The following BRPF1 variants were observed in gnomAD, a reference collection of about 807,000 sequenced individuals.
BRPF1 encodes bromodomain and PHD finger containing 1, also known as peregrin.
BRPF1 carries 15 observed loss-of-function variants against 115.0 expected under a neutral mutation model. That is an observed-to-expected ratio of 0.13 (90% CI 0.09 to 0.20). The LOEUF (loss-of-function observed/expected upper bound fraction) is 0.20. Among genes scored for constraint, BRPF1 ranks in the 10% least tolerant of loss-of-function variants. BRPF1 has a pLI of 1.00. For missense variants in BRPF1, 1,118 were observed against 1,638.3 expected, an observed-to-expected ratio of 0.68 and a Z score of 5.48; for synonymous variants, 647 against 619.8, an observed-to-expected ratio of 1.04 and a Z score of -0.65.
intron 9 of BRPF1, 36 bp from the exon 10 acceptor site, chr3:9,744,972 C>G (rs755296051): frequency 5.0e-6 from 8 of 1,614,012 alleles, no homozygotes; most frequent in Non-Finnish European, 6.8e-6. Flanking sequence ...ATCTTCCTGA[C>G]CGGTTCCTTC....
In BRPF1 at chr3:9,745,378, G is replaced by A. The variant is rs377311329; in HGVS notation, c.3069-195G>A. Among the ~76,000 whole-genome samples the A allele has an allele frequency of 9.8e-5, 15 of 152,366 alleles. No homozygotes were observed. The highest frequency in any genetic ancestry group is 3.4e-4 in the African/African-American group (14 of 41,586). ...GATGATTAGAGTATGCACTCCTGCC[G>A]CCACTGCTCAGGCTAACCCACCTCT... On this transcript the variant is annotated intron_variant, in intron 10 of 13. Transcript: ENST00000383829. The surrounding 1 kb of genome is among the most constrained non-coding windows in gnomAD (Gnocchi z 5.1).
chr3:9,736,826 C>G (rs2076950060), intron 2 of BRPF1, among the ~76,000 whole-genome samples: 1 of 152,224 alleles, frequency 6.6e-6, no homozygotes. Context: ...ATCACTTTCT[C>G]TTGCTTGCAT....
At chr3:9,737,925 T>C (rs2076968748) in intron 2 of BRPF1, among the ~76,000 whole-genome samples, 1 of 152,166 alleles carries the variant, frequency 6.6e-6, no homozygotes, top group Admixed American at 6.5e-5. Context: ...GAGTGGGTAG[T>C]ATTATCCTCG....
chr3:9,744,836 C>A (rs1419829274), intron 9 of BRPF1, among the ~76,000 whole-genome samples, 172 bp from the exon 10 acceptor site: 25 of 152,220 alleles, frequency 1.6e-4, no homozygotes, highest in Non-Finnish European at 3.1e-4. Context: ...TGGAGCAGGG[C>A]TGTGGCCAAC....
In BRPF1 at chr3:9,744,363, G is replaced by A; in HGVS notation, c.2775G>A (p.Met925Ile). The A allele has an allele frequency of 6.2e-7, 1 of 1,613,414 alleles. No homozygotes were observed. The highest frequency in any genetic ancestry group is 8.5e-7 in the Non-Finnish European group (1 of 1,179,728). The change falls in exon 9 of 14, where the codon ATG (methionine) becomes ATA (isoleucine). Residue 925 changes from methionine (M) to isoleucine (I), a missense_variant. Physicochemically the swap from Met to Ile is conservative, Grantham distance 10 (BLOSUM62 1). Around this residue, in one of 10 missense-constraint regions of BRPF1, gnomAD observed 92 missense variants for 102.2 expected, o/e 0.90. Coordinates refer to ENST00000383829, the MANE Select transcript of BRPF1 (RefSeq NM_001003694.2). The stretch of plus-strand genomic sequence containing the variant: ...CCCCCAAAAACCGGGAGAGCCAGAT[G>A]ACCCCCAGCCACGGAGGCAGTCCTG... The part of the protein sequence containing the change: ...GRPPKNRESQ[M>I]TPSHGGSPVG...
Position 9,743,354 on chromosome 3 carries a change from C to A in BRPF1, c.2311+101C>A. 1 of 1,452,130 alleles carries A rather than the reference C, an allele frequency of 6.9e-7. No individual in the cohort carries two copies. Among genetic ancestry groups the A allele is most frequent in the Non-Finnish European group, 9.2e-7 (1 of 1,083,544 alleles). The allele number at this position is 1,452,130 out of a possible 1,614,324, so 90.0% of individuals were successfully genotyped here. A position where few individuals can be genotyped will look rare whatever the true frequency, so the allele number is the denominator to read the frequency against. On this transcript the variant is annotated intron_variant, in intron 7 of 13. Coordinates refer to ENST00000383829, the MANE Select transcript of BRPF1 (RefSeq NM_001003694.2). This position sits in a 1 kb window ranked among gnomAD's most constrained non-coding sequence, Gnocchi z 6.1. ...AGCAGGCAGTGTAGGCAGAAAGCAG[C>A]TAGGCTGAGCAGTGGCAAGCTATCC...
At chr3:9,740,684 AT>A in intron 3 of BRPF1, 94 bp from the exon 4 acceptor site, 1 of 1,464,606 alleles carries the variant, frequency 6.8e-7, no homozygotes, top group Non-Finnish European at 9.4e-7. Context: ...CTCTCCCTTC[AT>A]CCCCATTCAG....
chr3:9,735,419 T>TCTGATTC (rs2076923917), intron 2 of BRPF1, among the ~76,000 whole-genome samples: 1 of 152,224 alleles, frequency 6.6e-6, no homozygotes, highest in African/African-American at 2.4e-5. Flanking sequence ...ACATCCTGTT[T>TCTGATTC]CTGATTCCTG....
intron 2 of BRPF1, among the ~76,000 whole-genome samples, chr3:9,736,087 C>T (rs1304531857): frequency 7.8e-6 from 1 of 127,984 alleles, no homozygotes; most frequent in African/African-American, 3.0e-5. Context: ...TCTCGGCTCA[C>T]TGCGACCTCC....
At chr3:9,744,119 G>A (rs149055559) in intron 8 of BRPF1, 105 bp from the exon 9 acceptor site, 59 of 1,382,642 alleles carry the variant, frequency 4.3e-5, no homozygotes, top group South Asian at 2.2e-4. Context: ...TCTCCCCAAC[G>A]TTAGCTGGAG....
At chr3:9,746,484 C>T (rs2269112) in intron 13 of BRPF1, 30 bp downstream of exon 13, 256,276 of 1,531,202 alleles carry the variant, frequency 0.17, 23,023 homozygotes, top group Middle Eastern at 0.25. Flanking sequence ...GTGTGACTCA[C>T]AGCCACAGAT....
Position 9,743,017 on chromosome 3 carries a change from G to T in BRPF1, c.2075G>T (p.Arg692Leu), listed in dbSNP as rs150442469. 5 of 1,614,168 alleles carry T rather than the reference G, an allele frequency of 3.1e-6. No homozygotes were observed. Among genetic ancestry groups the T allele is most frequent in the Non-Finnish European group, 4.2e-6 (5 of 1,180,022 alleles). ...ATGAAGCAGAACTTGGAGGCTTACC[G>T]CTACCTGAATTTTGATGATTTTGAG... is the stretch of plus-strand genomic sequence containing the variant. ...FTMKQNLEAY[R>L]YLNFDDFEED... Residue 692 changes from arginine (R) to leucine (L), a missense_variant, in exon 7 of 14, where the codon CGC becomes CTC. Transcript: ENST00000383829. This position sits in a 1 kb window ranked among gnomAD's most constrained non-coding sequence, Gnocchi z 6.1.
intron 3 of BRPF1, 39 bp from the exon 4 acceptor site, chr3:9,740,740 G>A (rs2077014778): frequency 3.7e-6 from 6 of 1,607,964 alleles, no homozygotes; most frequent in African/African-American, 1.3e-5. Context: ...AAGAGAATCA[G>A]GGCCCAACAA....
rs368571800 is a variant in BRPF1, at chr3:9,737,330, T to C, written c.600-1669T>C. Among the ~76,000 whole-genome samples the C allele has an allele frequency of 1.0e-3, 157 of 152,310 alleles. 2 individuals carry two copies. The South Asian group carries it at 0.031, about 30-fold the overall frequency. On this transcript the variant is annotated intron_variant, in intron 2 of 13. Transcript: ENST00000383829. ...ATGCTAGGAAGGTGGGTAAAGGCCATACAAAAACTAATAAGTTAACATTTA... is the reference window on the plus strand; with the variant it reads ...ATGCTAGGAAGGTGGGTAAAGGCCACACAAAAACTAATAAGTTAACATTTA...
chr3:9,744,232 C>G lies in BRPF1; in HGVS notation c.2644C>G (p.Pro882Ala). 6.5e-7 allele frequency: 1 copy of G among 1,536,338 alleles called. No individual in the cohort carries two copies. Among genetic ancestry groups the G allele is most frequent in the Admixed American group, 2.2e-5 (1 of 46,394 alleles). Residue 882 changes from proline to alanine, a missense_variant, in exon 9 of 14, where the codon CCC becomes GCC. Pro to Ala is a conservative substitution (Grantham distance 27). Coordinates refer to ENST00000383829, the MANE Select transcript of BRPF1 (RefSeq NM_001003694.2). ...TTCTTTCTCTGCTCCAGGCCTGGGT[C>G]CCAACATGTCCTCAACCCCCGCACA... is the stretch of plus-strand genomic sequence containing the variant. ...SSQETSKGLG[P>A]NMSSTPAHEV...
chr3:9,740,990 C>T (rs961764693), intron 4 of BRPF1, 49 bp downstream of exon 4: 16 of 1,563,228 alleles, frequency 1.0e-5, no homozygotes, highest in African/African-American at 2.7e-5. Context: ...GCCAGGGGGA[C>T]GAAAACCAAA....
chr3:9,733,192 C>G (rs1417506628), intron 1 of BRPF1: 2 of 152,216 alleles, frequency 1.3e-5, no homozygotes, highest in African/African-American at 4.8e-5. Context: ...TACCCAGTAC[C>G]AGGGCCAGGC....
intron 2 of BRPF1, among the ~76,000 whole-genome samples, chr3:9,735,001 G>C (rs1041509271): frequency 1.3e-5 from 2 of 151,604 alleles, no homozygotes; most frequent in African/African-American, 4.9e-5. Flanking sequence ...GGTCAAGAAA[G>C]GGTGCCAGAT....
intron 2 of BRPF1, among the ~76,000 whole-genome samples, chr3:9,736,557 C>G (rs2076945243): frequency 6.6e-6 from 1 of 152,168 alleles, no homozygotes. Flanking sequence ...CCCAATGGCC[C>G]TTGAGCTCTC....
Sources: allele counts gnomAD v4.1 joint callset (sites outside exome capture counted in the v4.1 genomes callset), GRCh38; gene constraint gnomAD v4.1.1; regional missense constraint gnomAD v4.1.1; non-coding constraint Gnocchi (gnomAD v3.1); transcripts MANE v1.5; gene names NCBI Gene and HGNC (gene_info 2026-07-23, HGNC 2026-07-21).